The following RAB27A variants were observed in gnomAD, a reference collection of about 807,000 sequenced individuals.
The protein encoded by RAB27A is RAB27A, member RAS oncogene family, also known as ras-related protein Rab-27A.
RAB27A carries 17 observed loss-of-function variants against 20.8 expected under a neutral mutation model. The ratio of observed to expected loss-of-function variants is 0.82; its 90% CI spans 0.56 to 1.23. The LOEUF is 1.23. Among genes scored for constraint, RAB27A ranks in the 50% most tolerant of loss-of-function variants. The pLI, the probability that RAB27A is intolerant of heterozygous loss-of-function variation, is 0.00. For synonymous variants in RAB27A, 85 were observed against 92.8 expected, an observed-to-expected ratio of 0.92 and a Z score of 0.48; for missense variants, 277 against 266.7, an observed-to-expected ratio of 1.04 and a Z score of -0.27.
At chr15:55,271,803 G>C (rs1248546071) in intron 1 of RAB27A, among the ~76,000 whole-genome samples, 1 of 152,128 alleles carries the variant, frequency 6.6e-6, no homozygotes, top group African/African-American at 2.4e-5. Context: ...CATTATGGCA[G>C]CTCAACGTGT....
chr15:55,271,991 T>C (rs1376814139), intron 1 of RAB27A, among the ~76,000 whole-genome samples: 1 of 152,218 alleles, frequency 6.6e-6, no homozygotes, highest in Non-Finnish European at 1.5e-5. Flanking sequence ...CTTTTTTATA[T>C]CACACAGCAA....
chr15:55,247,617 A>G (rs1352127703), intron 2 of RAB27A, among the ~76,000 whole-genome samples: 1 of 152,164 alleles, frequency 6.6e-6, no homozygotes, highest in Non-Finnish European at 1.5e-5. Flanking sequence ...TGTTAGGGAA[A>G]TGCACCAACT....
In RAB27A at chr15:55,259,221, T is replaced by G. The variant is rs542279729; in HGVS notation, c.-23+10944A>C. Among the ~76,000 whole-genome samples, 363 of 152,336 alleles carry G rather than the reference T, an allele frequency of 2.4e-3. 2 individuals carry two copies. The highest frequency in any genetic ancestry group is 8.5e-3 in the African/African-American group (353 of 41,576). On this transcript the variant is annotated intron_variant, in intron 2 of 6. Transcript: ENST00000336787. Reference sequence around the variant, plus strand: ...TACTGTTTTTGGTTTGTCTTTTCACTTTTTTAGTGGCTCTTAATCTTAAAA... The same window carrying G: ...TACTGTTTTTGGTTTGTCTTTTCACGTTTTTAGTGGCTCTTAATCTTAAAA...
chr15:55,232,652 T>C (rs1434427118), intron 3 of RAB27A, among the ~76,000 whole-genome samples: 2 of 152,182 alleles, frequency 1.3e-5, no homozygotes, highest in Non-Finnish European at 2.9e-5. Context: ...CTAGCAGACC[T>C]ATCCTACAAG....
intron 2 of RAB27A, among the ~76,000 whole-genome samples, chr15:55,299,450 C>T (rs573794751): frequency 8.5e-5 from 13 of 152,160 alleles, no homozygotes; most frequent in Non-Finnish European, 1.3e-4. Flanking sequence ...AAAAATTAGC[C>T]GGGCATTGTG....
chr15:55,265,107 C>A (rs569481823), intron 2 of RAB27A, among the ~76,000 whole-genome samples: 2 of 151,978 alleles, frequency 1.3e-5, no homozygotes, highest in Admixed American at 6.6e-5. Context: ...CCGGGCGTGG[C>A]GGCGCATGCC....
At chr15:55,313,321 G>A (rs1263730846) in intron 2 of RAB27A, among the ~76,000 whole-genome samples, 1 of 152,098 alleles carries the variant, frequency 6.6e-6, no homozygotes, top group Admixed American at 6.5e-5. Context: ...GCGGAATCAC[G>A]TGAGCCCAGG....
At chr15:55,240,561 T>A (rs907519793) in intron 2 of RAB27A, among the ~76,000 whole-genome samples, 6 of 152,044 alleles carry the variant, frequency 3.9e-5, no homozygotes, top group African/African-American at 1.4e-4. Flanking sequence ...TCTTGGCCAG[T>A]CTACCCACAT....
chr15:55,211,958 CT>C (rs539618132), intron 6 of RAB27A, among the ~76,000 whole-genome samples: 18,271 of 124,310 alleles, frequency 0.15, 1,841 homozygotes, highest in African/African-American at 0.34. Context: ...GGACTATAAC[CT>C]TTTTTTTTTT....
In RAB27A at chr15:55,230,488, T is replaced by TCTTTTTTCCCTG; in HGVS notation, c.154-3_154-2insCAGGGAAAAAAG. On this transcript the variant is annotated splice_polypyrimidine_tract_variant and splice_region_variant and intron_variant, in intron 3 of 6. Coordinates refer to ENST00000336787, the MANE Select transcript of RAB27A (RefSeq NM_183235.3). ...ATCCGGCCCACTGGCTCTGTACACC[T>TCTTTTTTCCCTG]AAAACAGCAAAGTGAAAGAGAAAAC... 1 of 1,610,940 alleles carries TCTTTTTTCCCTG rather than the reference T, an allele frequency of 6.2e-7. No individual in the cohort carries two copies. Among genetic ancestry groups the TCTTTTTTCCCTG allele is most frequent in the African/African-American group, 1.3e-5 (1 of 74,948 alleles).
At chr15:55,209,374 T>A (rs1412813007) in intron 6 of RAB27A, among the ~76,000 whole-genome samples, 2 of 152,198 alleles carry the variant, frequency 1.3e-5, no homozygotes, top group Non-Finnish European at 2.9e-5. Context: ...CTCCCACATA[T>A]GAGTAAGAAC....
chr15:55,271,045 T>C (rs1402571097), intron 1 of RAB27A: 1 of 152,286 alleles, frequency 6.6e-6, no homozygotes, highest in Non-Finnish European at 1.5e-5. Context: ...CAAGTTTTTA[T>C]TATTTCTTAG....
Position 55,210,902 on chromosome 15 carries a change from G to A in RAB27A, c.468-5197C>T, listed in dbSNP as rs546501267. The stretch of plus-strand genomic sequence containing the variant: ...CTAGTAGTTTCATAGTTTCAAGTCC[G>A]ATATTTAAGTTTTAATTCATTTTGA... On this transcript the variant is annotated intron_variant, in intron 6 of 6. Coordinates refer to ENST00000336787, the MANE Select transcript of RAB27A (RefSeq NM_183235.3). 4.6e-5 allele frequency among the ~76,000 whole-genome samples: 7 copies of A among 152,134 alleles called. No individual in the cohort carries two copies. In the South Asian group the frequency reaches 8.3e-4, roughly 18 times the overall value.
chr15:55,234,555 A>G (rs1304217981), intron 3 of RAB27A, among the ~76,000 whole-genome samples: 2 of 152,190 alleles, frequency 1.3e-5, no homozygotes, highest in Non-Finnish European at 2.9e-5. Context: ...CCAAGGTGAC[A>G]TTTTAAAGAA....
intron 2 of RAB27A, among the ~76,000 whole-genome samples, chr15:55,268,183 C>A (rs138561510): frequency 1.1e-4 from 17 of 151,062 alleles, no homozygotes; most frequent in Non-Finnish European, 2.5e-4. Flanking sequence ...AATCCAAGAA[C>A]CTTGACAGAG....
chr15:55,272,217 T>C lies in RAB27A; in HGVS notation c.-142-1933A>G, dbSNP rs184683830. On this transcript the variant is annotated intron_variant, in intron 1 of 6. Coordinates refer to ENST00000336787, the MANE Select transcript of RAB27A (RefSeq NM_183235.3). The stretch of plus-strand genomic sequence containing the variant: ...ATCGAGACCATCCTGGCTAACACGG[T>C]GAAACCCCGTCTCTACTAAAAATAC... Among the ~76,000 whole-genome samples, 733 of 152,246 alleles carry C rather than the reference T, an allele frequency of 4.8e-3. 12 individuals carry two copies. Among genetic ancestry groups the C allele is most frequent in the African/African-American group, 0.017 (693 of 41,558 alleles).
intron 6 of RAB27A, among the ~76,000 whole-genome samples, chr15:55,216,890 C>T (rs930319855): frequency 6.6e-6 from 1 of 152,166 alleles, no homozygotes; most frequent in Admixed American, 6.5e-5. Context: ...GACAATGGAT[C>T]TTACTCTACT....
chr15:55,311,461 T>C (rs1267827740), intron 2 of RAB27A, among the ~76,000 whole-genome samples: 2 of 151,302 alleles, frequency 1.3e-5, no homozygotes, highest in East Asian at 4.0e-4. Context: ...TTGGACAGTT[T>C]GGGTTGAAGG....
chr15:55,267,818 G>A (rs1010327136), intron 2 of RAB27A, among the ~76,000 whole-genome samples: 29 of 152,254 alleles, frequency 1.9e-4, no homozygotes, highest in Admixed American at 1.4e-3. Context: ...CAGAGAGGGC[G>A]GAAGCTGAAA....
Sources: allele counts gnomAD v4.1 joint callset (sites outside exome capture counted in the v4.1 genomes callset), GRCh38; gene constraint gnomAD v4.1.1; transcripts MANE v1.5; gene names NCBI Gene and HGNC (gene_info 2026-07-23, HGNC 2026-07-21).